VPS53: variants seen among roughly 807,000 people sequenced by gnomAD.
VPS53 encodes vacuolar protein sorting-associated protein 53 homolog.
Under a neutral mutation model 107.0 loss-of-function variants are expected in VPS53, and 70 were observed. The ratio of observed to expected loss-of-function variants is 0.65; its 90% CI spans 0.54 to 0.80. VPS53 has a LOEUF of 0.80. Among genes scored for constraint, VPS53 ranks in the 30% least tolerant of loss-of-function variants. The pLI is 0.00. For synonymous variants in VPS53, 409 were observed against 393.3 expected (o/e 1.04, Z -0.47); for missense variants, 917 against 1,049.4 (o/e 0.87, Z 1.74).
chr17:706,841 A>G (rs1056933763), intron 2 of VPS53, among the ~76,000 whole-genome samples: 1 of 152,072 alleles, frequency 6.6e-6, no homozygotes, highest in Non-Finnish European at 1.5e-5. Flanking sequence ...TCTATCCCAC[A>G]GCTTTTCTCC....
intron 17 of VPS53, among the ~76,000 whole-genome samples, chr17:543,513 G>A (rs186232663): frequency 2.6e-5 from 4 of 152,044 alleles, no homozygotes; most frequent in Non-Finnish European, 4.4e-5. Context: ...TGAGTGATGT[G>A]AGCAGCCCTA....
chr17:574,808 G>A (rs1914464386), intron 13 of VPS53, among the ~76,000 whole-genome samples: 1 of 152,142 alleles, frequency 6.6e-6, no homozygotes, highest in Non-Finnish European at 1.5e-5. Context: ...TAACTTTTAA[G>A]CCTTTTAAAA....
At chr17:573,417 A>T (rs1480373635) in intron 13 of VPS53, among the ~76,000 whole-genome samples, 1 of 152,144 alleles carries the variant, frequency 6.6e-6, no homozygotes, top group African/African-American at 2.4e-5. Context: ...CAGTCCTCCT[A>T]CTGCTACTTG....
intron 7 of VPS53, among the ~76,000 whole-genome samples, chr17:652,470 AG>A (rs1970992400): frequency 6.6e-6 from 1 of 152,158 alleles, no homozygotes; most frequent in African/African-American, 2.4e-5. Flanking sequence ...GAAATTTCCA[AG>A]GCTTGGTTCT....
intron 4 of VPS53, among the ~76,000 whole-genome samples, chr17:688,371 G>T (rs552436558): frequency 6.6e-6 from 1 of 152,236 alleles, no homozygotes; most frequent in East Asian, 1.9e-4. Context: ...CACCATGATT[G>T]TAAGTTTCCT....
Position 551,864 on chromosome 17 carries a change from G to T in VPS53, c.1866+8C>A. On this transcript the variant is annotated splice_region_variant and intron_variant, in intron 17 of 21. Coordinates refer to ENST00000437048, the MANE Select transcript of VPS53 (RefSeq NM_001128159.3). ...TAGTTTGTAGGATGCCATTTCCCAA[G>T]ACCTTACCTTGCTCATGGCAGTCAG... The T allele has an allele frequency of 6.3e-7, 1 of 1,590,818 alleles. No homozygotes were observed. The highest frequency in any genetic ancestry group is 8.6e-7 in the Non-Finnish European group (1 of 1,167,300).
chr17:574,901 T>C (rs996921597), intron 13 of VPS53, among the ~76,000 whole-genome samples: 28 of 152,234 alleles, frequency 1.8e-4, no homozygotes, highest in African/African-American at 6.0e-4. Context: ...GTGACTCTAA[T>C]AGGCAAATAA....
Position 519,947 on chromosome 17 carries a change from C to G in VPS53, c.2224-17G>C. ...CATCACTACCTACAGCGGGAGGAGA[C>G]AGGAGCAAGCCCCTCAGGAAAACTA... On this transcript the variant is annotated splice_polypyrimidine_tract_variant and intron_variant, in intron 20 of 21. Coordinates refer to ENST00000437048, the MANE Select transcript of VPS53 (RefSeq NM_001128159.3). The surrounding 1 kb of genome is among the most constrained non-coding windows in gnomAD (Gnocchi z 5.0). The G allele has an allele frequency of 2.0e-6, 3 of 1,533,580 alleles. No individual in the cohort carries two copies. Among genetic ancestry groups the G allele is most frequent in the Non-Finnish European group, 2.7e-6 (3 of 1,130,694 alleles). The allele number at this position is 1,533,580 out of a possible 1,614,324, so 95.0% of individuals were successfully genotyped here. A position where few individuals can be genotyped will look rare whatever the true frequency, so the allele number is the denominator to read the frequency against.
chr17:625,862 G>A (rs1969687165), intron 10 of VPS53, among the ~76,000 whole-genome samples: 1 of 152,176 alleles, frequency 6.6e-6, no homozygotes, highest in Non-Finnish European at 1.5e-5. Context: ...GTTGAGTTAT[G>A]CTAGATATGG....
At chr17:595,417 G>A (rs71355275) in intron 12 of VPS53, among the ~76,000 whole-genome samples, 3,111 of 46,918 alleles carry the variant, frequency 0.066, 263 homozygotes, top group South Asian at 0.11. Context: ...GCTGGGAGAT[G>A]GGAAGGGGTC....
At chr17:682,066 AG>A (rs1203191034) in intron 4 of VPS53, among the ~76,000 whole-genome samples, 1 of 152,258 alleles carries the variant, frequency 6.6e-6, no homozygotes, top group Non-Finnish European at 1.5e-5. Flanking sequence ...TAATTAGAAA[AG>A]GAAGAAATAT....
At chr17:589,935 G>A (rs9892023) in intron 12 of VPS53, among the ~76,000 whole-genome samples, 1 of 151,862 alleles carries the variant, frequency 6.6e-6, no homozygotes, top group African/African-American at 2.4e-5. Flanking sequence ...TAGCTTGATG[G>A]GGATGGCATT....
rs1008866901 is a variant in VPS53 at position 608,097 on chromosome 17, T to C, written c.1117-6201A>G. On this transcript the variant is annotated intron_variant, in intron 11 of 21. Transcript: ENST00000437048. ...TGCTTTACTCCAGCCCAATTCCTAA[T>C]TGGTCCTTAAAGAGATGGCTGCGGG... 5.3e-5 allele frequency among the ~76,000 whole-genome samples: 8 copies of C among 152,170 alleles called. No individual in the cohort carries two copies. In the East Asian group the frequency reaches 1.3e-3, roughly 26 times the overall value.
At chr17:622,775 A>G (rs1969524678) in intron 11 of VPS53, among the ~76,000 whole-genome samples, 1 of 151,576 alleles carries the variant, frequency 6.6e-6, no homozygotes, top group Non-Finnish European at 1.5e-5. Context: ...ATCATAGCTC[A>G]CTGCAGCCTC....
intron 4 of VPS53, among the ~76,000 whole-genome samples, chr17:668,924 AC>A (rs1971818315): frequency 6.6e-6 from 1 of 152,182 alleles, no homozygotes; most frequent in South Asian, 2.1e-4. Context: ...TAAGACTCAC[AC>A]AATCTTACAT....
At position 601,794 on chromosome 17, in the gene VPS53, C is replaced by G; in HGVS notation, c.1218+1G>C. 1 of 1,596,842 alleles carries G rather than the reference C, an allele frequency of 6.3e-7. No individual in the cohort carries two copies. The highest frequency in any genetic ancestry group is 1.1e-5 in the South Asian group (1 of 88,302). ...CCCGTGGTGACGCAAACCAGACTTA[C>G]TTGATCTAAATCTCCTTTCTCCGTT... On this transcript the variant is annotated splice_donor_variant, in intron 12 of 21. Coordinates refer to ENST00000437048, the MANE Select transcript of VPS53 (RefSeq NM_001128159.3). LOFTEE classifies it high-confidence loss of function.
intron 7 of VPS53, among the ~76,000 whole-genome samples, chr17:642,383 A>C (rs1438940454): frequency 4.7e-3 from 524 of 112,368 alleles, no homozygotes; most frequent in Middle Eastern, 0.013. Flanking sequence ...AAAGCGAGGA[A>C]AACACTCATA....
At position 669,592 on chromosome 17, in the gene VPS53, T is replaced by TAAAAAAAAAAAAA. The variant is rs200157618; in HGVS notation, c.286-7710_286-7698dup. ...TGGGTGACAGAGACATACTCTGTCT[T>TAAAAAAAAAAAAA]AAAAAAAAAAAAAAAATTAGGCCAG... On this transcript the variant is annotated intron_variant, in intron 4 of 21. Coordinates refer to ENST00000437048, the MANE Select transcript of VPS53 (RefSeq NM_001128159.3). 0.02 allele frequency among the ~76,000 whole-genome samples: 2,150 copies of TAAAAAAAAAAAAA among 109,674 alleles called. 126 individuals carry two copies. In the East Asian group the frequency reaches 0.2, roughly 10 times the overall value. 72.0% of individuals were successfully genotyped at this position (109,674 alleles called of 152,430 possible).
intron 11 of VPS53, among the ~76,000 whole-genome samples, chr17:615,714 G>C (rs1209808774): frequency 6.6e-6 from 1 of 152,200 alleles, no homozygotes; most frequent in East Asian, 1.9e-4. Context: ...GAAACAAAAT[G>C]GTAGCCAAAA....
Sources: allele counts gnomAD v4.1 joint callset (sites outside exome capture counted in the v4.1 genomes callset), GRCh38; gene constraint gnomAD v4.1.1; non-coding constraint Gnocchi (gnomAD v3.1); transcripts MANE v1.5; gene names NCBI Gene and HGNC (gene_info 2026-07-23, HGNC 2026-07-21).